The following SLAIN1 variants were observed in gnomAD, a reference collection of about 807,000 sequenced individuals.
SLAIN1 encodes SLAIN family member 1.
In SLAIN1, 17 loss-of-function variants were observed where a neutral mutation model predicts 55.4. That is an observed-to-expected ratio of 0.31 (90% confidence interval 0.21 to 0.46). The LOEUF (loss-of-function observed/expected upper bound fraction) is 0.46, where lower values mean the gene tolerates loss of function less well. SLAIN1 is among the 20% of genes least tolerant of loss of function. SLAIN1 has a pLI of 1.00. For missense variants in SLAIN1, 682 were observed against 785.1 expected, an observed-to-expected ratio of 0.87 and a Z score of 1.57; for synonymous variants, 348 against 337.4, an observed-to-expected ratio of 1.03 and a Z score of -0.35.
rs564139041 is a variant in SLAIN1, at chr13:77,703,638, C to T, written c.626+5099C>T. ...TGTTATAGGACAGCTTAGTAAGTAA[C>T]GCTTGAACTTCATGTATCCTTTTAA... On this transcript the variant is annotated intron_variant, in intron 1 of 6. Transcript: ENST00000418532. 3.3e-5 allele frequency among the ~76,000 whole-genome samples: 5 copies of T among 151,836 alleles called. No homozygotes were observed. The East Asian group carries it at 5.8e-4, about 18-fold the overall frequency.
rs1259245359 is a variant in SLAIN1, at chr13:77,698,670, C to T, written c.626+131C>T. ...TGACTCCCCGCGGCTCCCGGAGGGGCCGACCCAGCAGGTGTTGAGCCAGGC... is the reference window on the plus strand; with the variant it reads ...TGACTCCCCGCGGCTCCCGGAGGGGTCGACCCAGCAGGTGTTGAGCCAGGC... On this transcript the variant is annotated intron_variant, in intron 1 of 6. Coordinates refer to ENST00000418532, the MANE Select transcript of SLAIN1 (RefSeq NM_001242868.2). This position sits in a 1 kb window ranked among gnomAD's most constrained non-coding sequence, Gnocchi z 4.1. The T allele has an allele frequency of 1.2e-5, 15 of 1,263,622 alleles. No homozygotes were observed. Among genetic ancestry groups the T allele is most frequent in the African/African-American group, 1.6e-5 (1 of 64,280 alleles). The allele number at this position is 1,263,622 out of a possible 1,614,324, so 78.3% of individuals were successfully genotyped here. A position where few individuals can be genotyped will look rare whatever the true frequency, so the allele number is the denominator to read the frequency against.
intron 2 of SLAIN1, among the ~76,000 whole-genome samples, chr13:77,722,491 G>A (rs753753132): frequency 1.3e-5 from 2 of 151,954 alleles, no homozygotes; most frequent in Non-Finnish European, 2.9e-5. Flanking sequence ...AAAGCTATTT[G>A]TTTTGGTTTT....
intron 2 of SLAIN1, among the ~76,000 whole-genome samples, chr13:77,724,312 G>A (rs1331144159): frequency 6.6e-6 from 1 of 152,086 alleles, no homozygotes; most frequent in Non-Finnish European, 1.5e-5. Flanking sequence ...TACCCTCTGT[G>A]GTACTTCGCA....
chr13:77,699,179 A>G (rs1330317589), intron 1 of SLAIN1: 6 of 851,214 alleles, frequency 7.0e-6, no homozygotes, highest in Non-Finnish European at 1.1e-5. Flanking sequence ...GCTTTCCCAT[A>G]AATAGTGCCA....
chr13:77,733,369 A>G (rs1389180814), intron 2 of SLAIN1, among the ~76,000 whole-genome samples: 2 of 152,196 alleles, frequency 1.3e-5, no homozygotes, highest in African/African-American at 2.4e-5. Context: ...AAGATGGTAT[A>G]TAAATCATGT....
chr13:77,754,954 A>G (rs1210204873), intron 5 of SLAIN1, among the ~76,000 whole-genome samples: 2 of 152,234 alleles, frequency 1.3e-5, no homozygotes, highest in Non-Finnish European at 1.5e-5. Context: ...AATGACTTGT[A>G]TAAGGACACA....
chr13:77,726,975 C>A (rs2091313267), intron 2 of SLAIN1, among the ~76,000 whole-genome samples: 1 of 152,194 alleles, frequency 6.6e-6, no homozygotes, highest in East Asian at 1.9e-4. Flanking sequence ...GTGTAAATGG[C>A]TTTTTTGGAT....
intron 1 of SLAIN1, among the ~76,000 whole-genome samples, chr13:77,708,948 G>A (rs2091118253): frequency 6.6e-6 from 1 of 151,782 alleles, no homozygotes; most frequent in Non-Finnish European, 1.5e-5. Flanking sequence ...TCAGAAGGTG[G>A]GTAATAACAA....
chr13:77,748,935 A>C (rs2154410602), intron 4 of SLAIN1, among the ~76,000 whole-genome samples: 1 of 152,300 alleles, frequency 6.6e-6, no homozygotes, highest in South Asian at 2.1e-4. Flanking sequence ...ATAAGGAATA[A>C]ATGAAATAAT....
In SLAIN1 at chr13:77,760,894, A is replaced by T. The variant is rs751382687; in HGVS notation, c.1481A>T (p.Gln494Leu). ...GGGCATTTCCCAGTGTCTATCCGAC[A>T]GCCTCTTAAAGCCACAGCCTATGTG... ...SVGHFPVSIR[Q>L]PLKATAYVSP... is the part of the protein sequence containing the mutation. Residue 494 changes from glutamine to leucine, a missense_variant, in exon 6 of 7, where the codon CAG (glutamine) becomes CTG (leucine). Around this residue, in one of 3 missense-constraint regions of SLAIN1, gnomAD observed 244 missense variants for 295.2 expected, o/e 0.83. Transcript: ENST00000418532. 5 of 1,614,168 alleles carry T rather than the reference A, an allele frequency of 3.1e-6. No homozygotes were observed. The highest frequency in any genetic ancestry group is 4.2e-6 in the Non-Finnish European group (5 of 1,180,004).
chr13:77,761,939 GAGA>G lies in SLAIN1; in HGVS notation c.1697+831_1697+833del, dbSNP rs1875059962. 2.0e-5 allele frequency among the ~76,000 whole-genome samples: 3 copies of G among 152,154 alleles called. No homozygotes were observed. In the South Asian group the frequency reaches 6.2e-4, roughly 31 times the overall value. ...AAGAAATTAGGATATGAAGGAGAAG[GAGA>G]AAACCATAGTAAAAAGTTTGAAAGA... On this transcript the variant is annotated intron_variant, in intron 6 of 6. Transcript: ENST00000418532.
chr13:77,749,655 T>C (rs770083697), intron 4 of SLAIN1, among the ~76,000 whole-genome samples: 28 of 152,184 alleles, frequency 1.8e-4, no homozygotes, highest in East Asian at 5.8e-4. Context: ...AAACTGCTGA[T>C]TTCTTGTGAA....
intron 2 of SLAIN1, among the ~76,000 whole-genome samples, chr13:77,738,403 G>GC (rs1873246831): frequency 6.6e-6 from 1 of 152,026 alleles, no homozygotes; most frequent in Non-Finnish European, 1.5e-5. Context: ...ACAGCCATGA[G>GC]CATGGATACA....
intron 1 of SLAIN1, among the ~76,000 whole-genome samples, chr13:77,705,314 C>G (rs1458832011): frequency 6.6e-6 from 1 of 151,786 alleles, no homozygotes; most frequent in Non-Finnish European, 1.5e-5. Context: ...ATAGTAGTTT[C>G]TGGTGTGTGT....
At chr13:77,748,848 A>G (rs1384906297) in intron 4 of SLAIN1, among the ~76,000 whole-genome samples, 2 of 152,182 alleles carry the variant, frequency 1.3e-5, no homozygotes, top group Non-Finnish European at 2.9e-5. Flanking sequence ...GGACAAGATG[A>G]TATCTGTCTC....
intron 4 of SLAIN1, among the ~76,000 whole-genome samples, chr13:77,749,829 C>T (rs1338910144): frequency 6.6e-6 from 1 of 152,156 alleles, no homozygotes; most frequent in African/African-American, 2.4e-5. Context: ...TAAATATTTA[C>T]ACTTGGAAGA....
chr13:77,733,838 C>G (rs957828459), intron 2 of SLAIN1, among the ~76,000 whole-genome samples: 1 of 152,112 alleles, frequency 6.6e-6, no homozygotes, highest in African/African-American at 2.4e-5. Flanking sequence ...TAATGCTACT[C>G]AAGTTTACCC....
At chr13:77,735,078 A>G (rs189971631) in intron 2 of SLAIN1, among the ~76,000 whole-genome samples, 66 of 152,162 alleles carry the variant, frequency 4.3e-4, no homozygotes, top group African/African-American at 1.5e-3. Context: ...TGTTTTTGCT[A>G]CAACTTGCTA....
chr13:77,760,330 C>G (rs1874914750), intron 5 of SLAIN1, among the ~76,000 whole-genome samples: 1 of 151,932 alleles, frequency 6.6e-6, no homozygotes, highest in South Asian at 2.1e-4. Context: ...GTAATAATGC[C>G]CAGCAACTCA....
Sources: allele counts gnomAD v4.1 joint callset (sites outside exome capture counted in the v4.1 genomes callset), GRCh38; gene constraint gnomAD v4.1.1; regional missense constraint gnomAD v4.1.1; non-coding constraint Gnocchi (gnomAD v3.1); transcripts MANE v1.5; gene names NCBI Gene and HGNC (gene_info 2026-07-23, HGNC 2026-07-21).